JCAD: variants seen among roughly 807,000 people sequenced by gnomAD.
JCAD encodes junctional cadherin 5 associated, also known as junctional cadherin 5-associated protein.
Under a neutral mutation model 98.0 loss-of-function variants are expected in JCAD, and 40 were observed. The ratio of observed to expected loss-of-function variants is 0.41; its 90% confidence interval spans 0.32 to 0.53. The LOEUF (loss-of-function observed/expected upper bound fraction) is 0.53, where lower values mean the gene tolerates loss of function less well. Ranked by LOEUF, JCAD falls within the 20% of genes least tolerant of loss-of-function variation. The pLI, the probability that JCAD is intolerant of heterozygous loss-of-function variation, is 0.31. For synonymous variants in JCAD, 691 were observed against 682.3 expected, an observed-to-expected ratio of 1.01 and a Z score of -0.20; for missense variants, 1,705 against 1,738.1, an observed-to-expected ratio of 0.98 and a Z score of 0.34.
At chr10:30,044,422 G>T (rs143116115) in intron 2 of JCAD, among the ~76,000 whole-genome samples, 362 of 152,224 alleles carry the variant, frequency 2.4e-3, no homozygotes, top group African/African-American at 7.9e-3. Context: ...ACACTTTAAG[G>T]CAGCCCTCAA....
At chr10:30,090,387 C>CA (rs1838239458) in intron 1 of JCAD, among the ~76,000 whole-genome samples, 1 of 152,078 alleles carries the variant, frequency 6.6e-6, no homozygotes, top group African/African-American at 2.4e-5. Flanking sequence ...ACTAAAAATG[C>CA]AAAAATTAGC....
chr10:30,051,288 A>G (rs866360702), intron 1 of JCAD, among the ~76,000 whole-genome samples: 8 of 144,958 alleles, frequency 5.5e-5, no homozygotes, highest in East Asian at 1.9e-4. Context: ...ACGCACGCAC[A>G]CACACACACA....
At position 30,076,928 on chromosome 10, in the gene JCAD, C is replaced by T. The variant is rs554835360; in HGVS notation, n.129-7107G>A. On this transcript the variant is annotated intron_variant and non_coding_transcript_variant, in intron 1 of 2. Coordinates refer to the JCAD transcript ENST00000465712. ...GTTTTGCTCATTTTAAAAGGATTCT[C>T]GGGGAGTGGAGAAGGCACATTCCCC... Among the ~76,000 whole-genome samples the T allele has an allele frequency of 6.0e-4, 91 of 152,202 alleles. 1 individual carries two copies. Among genetic ancestry groups the T allele is most frequent in the South Asian group, 4.2e-3 (20 of 4,816 alleles).
upstream of JCAD, among the ~76,000 whole-genome samples, chr10:30,061,758 A>C (rs971918625): frequency 2.6e-5 from 4 of 151,530 alleles, no homozygotes; most frequent in African/African-American, 9.7e-5. Flanking sequence ...GGGGAGTCAC[A>C]GTTATTAACA....
At chr10:30,032,446 G>A (rs1252909381) in intron 2 of JCAD, among the ~76,000 whole-genome samples, 1 of 152,180 alleles carries the variant, frequency 6.6e-6, no homozygotes, top group Non-Finnish European at 1.5e-5. Flanking sequence ...TACTACCCAT[G>A]AATGATCAGA....
intron 1 of JCAD, among the ~76,000 whole-genome samples, chr10:30,110,613 T>A (rs962518242): frequency 6.6e-6 from 1 of 152,100 alleles, no homozygotes; most frequent in Non-Finnish European, 1.5e-5. Flanking sequence ...CCAGCTGATG[T>A]GTGAACCTCC....
At chr10:30,110,876 A>G (rs980586818) in intron 1 of JCAD, among the ~76,000 whole-genome samples, 8 of 151,568 alleles carry the variant, frequency 5.3e-5, no homozygotes, top group African/African-American at 1.9e-4. Flanking sequence ...ATAGACCCCA[A>G]TGTATAGACC....
At chr10:30,089,640 A>C (rs965393443) in intron 1 of JCAD, among the ~76,000 whole-genome samples, 1 of 152,138 alleles carries the variant, frequency 6.6e-6, no homozygotes, top group African/African-American at 2.4e-5. Context: ...AGAGTTCATT[A>C]GATAATTGCT....
intron 1 of JCAD, among the ~76,000 whole-genome samples, chr10:30,106,831 C>A (rs948510559): frequency 1.3e-5 from 2 of 152,162 alleles, no homozygotes; most frequent in Admixed American, 1.3e-4. Context: ...AAATGCCTTG[C>A]AAAGTGCCCA....
At chr10:30,019,376 AAG>A (rs1836610702) in intron 3 of JCAD, among the ~76,000 whole-genome samples, 2 of 151,138 alleles carry the variant, frequency 1.3e-5, no homozygotes, top group Non-Finnish European at 3.0e-5. Context: ...AAAAAAAAAA[AAG>A]AAAAAAAGAA....
chr10:30,028,384 T>G lies in JCAD; in HGVS notation c.1764A>C (p.Lys588Asn), dbSNP rs148730756. The G allele has an allele frequency of 6.2e-5, 100 of 1,614,238 alleles. No individual in the cohort carries two copies. In the African/African-American group the frequency reaches 1.1e-3, roughly 18 times the overall value. Residue 588 changes from lysine (K) to asparagine (N), a missense_variant, in exon 3 of 4, where the codon AAA (lysine) becomes AAC (asparagine). Coordinates refer to ENST00000375377, the MANE Select transcript of JCAD (RefSeq NM_020848.4). The stretch of plus-strand genomic sequence containing the variant: ...CTCTATCTGGCAGATGTGATTCTGA[T>G]TTCACTGGGATAGAAACCAAGCAAA... ...TIFCLVSIPV[K>N]SESHLPDRDM...
rs139246873 is a variant in JCAD, at chr10:30,052,057, T to G, written c.-59-4186A>C. Among the ~76,000 whole-genome samples, 690 of 152,380 alleles carry G rather than the reference T, an allele frequency of 4.5e-3. 10 individuals carry two copies. The South Asian group carries it at 0.051, about 11-fold the overall frequency. On this transcript the variant is annotated intron_variant, in intron 1 of 3. Coordinates refer to ENST00000375377, the MANE Select transcript of JCAD (RefSeq NM_020848.4). Reference sequence around the variant, plus strand: ...CTGAATAAGACCACTTGCAGTGATCTTATTGCATGGCACCTTTTCAAAGTT... The same window carrying G: ...CTGAATAAGACCACTTGCAGTGATCGTATTGCATGGCACCTTTTCAAAGTT...
intron 1 of JCAD, among the ~76,000 whole-genome samples, chr10:30,076,703 A>G (rs1272198900): frequency 6.6e-6 from 1 of 152,208 alleles, no homozygotes; most frequent in Non-Finnish European, 1.5e-5. Flanking sequence ...ACATGTGGGT[A>G]TATAGCATTG....
intron 3 of JCAD, among the ~76,000 whole-genome samples, chr10:30,023,073 T>C (rs1052044929): frequency 6.6e-6 from 1 of 152,126 alleles, no homozygotes; most frequent in Admixed American, 6.5e-5. Context: ...GTTTCACTCT[T>C]GTTGCTGAGG....
rs1837015979 is a variant in JCAD at position 30,032,145 on chromosome 10, GA to G, written c.282-2280del. Reference sequence around the variant, plus strand: ...CTTACATTGAGATTGTCTAGAGGAAGAGGGGAGCCCTGTTCATGGGGTGAAA... The same window carrying G: ...CTTACATTGAGATTGTCTAGAGGAAGGGGGAGCCCTGTTCATGGGGTGAAA... On this transcript the variant is annotated intron_variant, in intron 2 of 3. Transcript: ENST00000375377. Among the ~76,000 whole-genome samples, 9 of 152,332 alleles carry G rather than the reference GA, an allele frequency of 5.9e-5. No individual in the cohort carries two copies. The South Asian group carries it at 1.9e-3, about 32-fold the overall frequency.
At chr10:30,086,654 T>G (rs549521781) in intron 1 of JCAD, among the ~76,000 whole-genome samples, 1 of 152,326 alleles carries the variant, frequency 6.6e-6, no homozygotes, top group East Asian at 1.9e-4. Flanking sequence ...TCATCCCTGC[T>G]TTTTTAACTG....
Position 30,026,438 on chromosome 10 carries a change from G to A in JCAD, c.3710C>T (p.Ser1237Phe). ...CTCTTGTAAACTTTCAATCACTTTG[G>A]AAGGGCTTCTAAGTCTCTTTTCAGA... ...AGSEKRLRSP[S>F]KVIESLQEKL... Residue 1237 changes from serine to phenylalanine, a missense_variant, in exon 3 of 4, where the codon TCC (serine) becomes TTC (phenylalanine). Physicochemically the swap from Ser to Phe is radical, Grantham distance 155 (BLOSUM62 -2). Around this residue, in one of 3 missense-constraint regions of JCAD, gnomAD observed 1,278 missense variants for 1,243.1 expected, o/e 1.03. Transcript: ENST00000375377. The A allele has an allele frequency of 1.9e-6, 3 of 1,614,232 alleles. No homozygotes were observed. The highest frequency in any genetic ancestry group is 1.6e-4 in the Middle Eastern group (1 of 6,062).
At chr10:30,054,578 T>C (rs1837529788) in intron 1 of JCAD, among the ~76,000 whole-genome samples, 1 of 150,582 alleles carries the variant, frequency 6.6e-6, no homozygotes, top group African/African-American at 2.4e-5. Flanking sequence ...TATATTAACA[T>C]ATTACATAAC....
intron 2 of JCAD, among the ~76,000 whole-genome samples, chr10:30,040,710 G>T (rs12247005): frequency 0.11 from 16,272 of 152,122 alleles, 2,316 homozygotes; most frequent in African/African-American, 0.32. Context: ...TAGGGAGGCC[G>T]CCTAAAGGCC....
Sources: gnomAD v4.1 joint callset for allele counts (sites outside exome capture counted in the v4.1 genomes callset) on GRCh38, gnomAD v4.1.1 for gene constraint, gnomAD v4.1.1 regional missense constraint, MANE v1.5 for transcripts, NCBI Gene and HGNC (gene_info 2026-07-23, HGNC 2026-07-21) for gene names.